The following KCTD16 variants were observed in gnomAD, a reference collection of about 807,000 sequenced individuals.
KCTD16 encodes potassium channel tetramerization domain containing 16, also known as BTB/POZ domain-containing protein KCTD16.
In KCTD16, 13 loss-of-function variants were observed where a neutral mutation model predicts 33.2. That is an observed-to-expected ratio of 0.39 (90% CI 0.25 to 0.62). KCTD16 has a LOEUF of 0.62. Ranked by LOEUF, KCTD16 falls within the 20% of genes least tolerant of loss-of-function variation. KCTD16 has a pLI of 0.50. For synonymous variants in KCTD16, 197 were observed against 195.3 expected (o/e 1.01, Z -0.07); for missense variants, 441 against 525.1 (o/e 0.84, Z 1.57).
intron 3 of KCTD16, among the ~76,000 whole-genome samples, chr5:144,316,219 A>T (rs1751908820): frequency 6.6e-6 from 1 of 152,134 alleles, no homozygotes; most frequent in South Asian, 2.1e-4. Context: ...AGTGCCTGGG[A>T]CTTACTAGGC....
At chr5:144,343,688 A>C (rs1440067340) in intron 3 of KCTD16, among the ~76,000 whole-genome samples, 1 of 151,940 alleles carries the variant, frequency 6.6e-6, no homozygotes, top group Non-Finnish European at 1.5e-5. Flanking sequence ...TCAATTTTGG[A>C]TCTTTCCTGC....
Position 144,361,291 on chromosome 5 carries a change from G to C in KCTD16, c.833-112369G>C, listed in dbSNP as rs148733890. ...CATTTGGGTGTATACCTAGTAATGG[G>C]ATTGCTGGGTCAAATGGTATTTCTG... On this transcript the variant is annotated intron_variant, in intron 3 of 3. Transcript: ENST00000512467. Among the ~76,000 whole-genome samples the C allele has an allele frequency of 3.0e-3, 454 of 152,238 alleles. 2 individuals carry two copies. The highest frequency in any genetic ancestry group is 0.01 in the African/African-American group (423 of 41,548).
intron 3 of KCTD16, among the ~76,000 whole-genome samples, chr5:144,210,156 T>C (rs1214267316): frequency 6.6e-6 from 1 of 152,094 alleles, no homozygotes; most frequent in Non-Finnish European, 1.5e-5. Context: ...GAAATCTACC[T>C]ATCAACCATG....
intron 3 of KCTD16, among the ~76,000 whole-genome samples, chr5:144,441,739 T>C (rs1254760743): frequency 6.6e-6 from 1 of 151,928 alleles, no homozygotes; most frequent in Non-Finnish European, 1.5e-5. Context: ...TGTAGTAAAT[T>C]TTGAAATCAG....
chr5:144,429,489 C>T (rs908707827), intron 3 of KCTD16, among the ~76,000 whole-genome samples: 97 of 152,154 alleles, frequency 6.4e-4, no homozygotes, highest in African/African-American at 2.3e-3. Flanking sequence ...TCTCTGAGAG[C>T]TCAATTTAAG....
chr5:144,331,928 C>A (rs1329887492), intron 3 of KCTD16, among the ~76,000 whole-genome samples: 1 of 152,140 alleles, frequency 6.6e-6, no homozygotes, highest in African/African-American at 2.4e-5. Flanking sequence ...AATAATAATT[C>A]TTAAACTCAG....
intron 3 of KCTD16, among the ~76,000 whole-genome samples, chr5:144,336,519 G>GC (rs1250113325): frequency 1.3e-5 from 2 of 152,050 alleles, no homozygotes; most frequent in Non-Finnish European, 2.9e-5. Flanking sequence ...AAACCTCTTT[G>GC]CCCCTGGTCC....
chr5:144,454,377 T>C (rs1167716161), intron 3 of KCTD16, among the ~76,000 whole-genome samples: 1 of 152,216 alleles, frequency 6.6e-6, no homozygotes, highest in Non-Finnish European at 1.5e-5. Flanking sequence ...TCAACTCTGT[T>C]TTCTCAGAAA....
chr5:144,282,226 A>T (rs190103735), intron 3 of KCTD16, among the ~76,000 whole-genome samples: 1 of 152,292 alleles, frequency 6.6e-6, no homozygotes, highest in Admixed American at 6.5e-5. Context: ...AATTATGTCT[A>T]TGTAATGGAG....
At chr5:144,419,922 C>T (rs55778275) in intron 3 of KCTD16, among the ~76,000 whole-genome samples, 12,555 of 152,032 alleles carry the variant, frequency 0.083, 1,714 homozygotes, top group African/African-American at 0.28. Flanking sequence ...GGATAACTGA[C>T]GAGTCAGAAG....
intron 3 of KCTD16, among the ~76,000 whole-genome samples, chr5:144,240,048 T>G (rs560474849): frequency 1.3e-5 from 2 of 152,274 alleles, no homozygotes; most frequent in African/African-American, 2.4e-5. Flanking sequence ...AGCAGCCCTA[T>G]GAAGTGGGTA....
rs933951369 is a variant in KCTD16, at chr5:144,308,014, G to A, written c.832+100468G>A. Among the ~76,000 whole-genome samples the A allele has an allele frequency of 4.6e-5, 7 of 152,314 alleles. No individual in the cohort carries two copies. The East Asian group carries it at 1.2e-3, about 25-fold the overall frequency. ...AGCACATTAATCATGCTGACAGATG[G>A]TCTGCCTGGCTTGGGCTCTTAAACA... On this transcript the variant is annotated intron_variant, in intron 3 of 3. Transcript: ENST00000512467.
chr5:144,277,569 A>C (rs1755472983), intron 3 of KCTD16, among the ~76,000 whole-genome samples: 1 of 152,252 alleles, frequency 6.6e-6, no homozygotes, highest in Admixed American at 6.5e-5. Flanking sequence ...TTAGCAAGAC[A>C]GTGGCAGGGC....
intron 1 of KCTD16, among the ~76,000 whole-genome samples, chr5:144,173,909 T>TG (rs969247328): frequency 4.6e-5 from 7 of 151,862 alleles, no homozygotes; most frequent in African/African-American, 1.7e-4. Flanking sequence ...GGATTTTTTT[T>TG]TTTTTTTTGG....
rs112597367 is a variant in KCTD16, at chr5:144,171,000, T to C, written c.-502T>C. 3 of 152,384 alleles carry C rather than the reference T, an allele frequency of 2.0e-5. No homozygotes were observed. The highest frequency in any genetic ancestry group is 2.9e-5 in the Non-Finnish European group (2 of 68,042). The allele number at this position is 152,384 out of a possible 1,614,324, so 9.4% of individuals were successfully genotyped here. ...ATTTACTGTGATTCAAGCACTGTGC[T>C]AAAGTGTTTGTATGTATTATTTAAT... is the stretch of plus-strand genomic sequence containing the variant. On this transcript the variant is annotated 5_prime_UTR_variant, in exon 1 of 4. It removes the in-frame stop codon of an upstream open reading frame in the 5' UTR. Coordinates refer to ENST00000512467, the MANE Select transcript of KCTD16 (RefSeq NM_020768.4).
intron 2 of KCTD16, among the ~76,000 whole-genome samples, chr5:144,193,091 G>A (rs1752874877): frequency 6.6e-6 from 1 of 152,156 alleles, no homozygotes; most frequent in Non-Finnish European, 1.5e-5. Flanking sequence ...ACTCTGGTCT[G>A]AGACATCATC....
At chr5:144,234,962 T>C (rs1280399492) in intron 3 of KCTD16, among the ~76,000 whole-genome samples, 1 of 152,020 alleles carries the variant, frequency 6.6e-6, no homozygotes, top group Non-Finnish European at 1.5e-5. Flanking sequence ...AAAACAGAAA[T>C]GCATCATTAA....
intron 3 of KCTD16, among the ~76,000 whole-genome samples, chr5:144,342,030 A>G (rs1752660520): frequency 6.6e-6 from 1 of 152,184 alleles, no homozygotes; most frequent in Admixed American, 6.5e-5. Context: ...CTGTTTTATT[A>G]TGTTAAAAAG....
At chr5:144,473,331 G>A (rs1754520820) in intron 3 of KCTD16, among the ~76,000 whole-genome samples, 1 of 152,116 alleles carries the variant, frequency 6.6e-6, no homozygotes, top group African/African-American at 2.4e-5. Flanking sequence ...CCACAGATGA[G>A]GAAACTGACT....
Sources: gnomAD v4.1 joint callset for allele counts (sites outside exome capture counted in the v4.1 genomes callset) on GRCh38, gnomAD v4.1.1 for gene constraint, MANE v1.5 for transcripts, NCBI Gene and HGNC (gene_info 2026-07-23, HGNC 2026-07-21) for gene names.